PPP6R3: variants seen among roughly 807,000 people sequenced by gnomAD.
PPP6R3 encodes protein phosphatase 6 regulatory subunit 3, also known as serine/threonine-protein phosphatase 6 regulatory subunit 3.
PPP6R3 carries 38 observed loss-of-function variants against 110.7 expected under a neutral mutation model. The observed-to-expected ratio is 0.34, with a 90% CI of 0.26 to 0.45. The LOEUF (loss-of-function observed/expected upper bound fraction) is 0.45, where lower values mean the gene tolerates loss of function less well. Ranked by LOEUF, PPP6R3 falls within the 20% of genes least tolerant of loss-of-function variation. The pLI, the probability that PPP6R3 is intolerant of heterozygous loss-of-function variation, is 1.00. For synonymous variants in PPP6R3, 369 were observed against 373.5 expected, an observed-to-expected ratio of 0.99 and a Z score of 0.14; for missense variants, 870 against 1,062.4, an observed-to-expected ratio of 0.82 and a Z score of 2.52.
intron 7 of PPP6R3, 76 bp from the exon 8 acceptor site, chr11:68,558,490 G>A: frequency 1.1e-6 from 1 of 883,928 alleles, no homozygotes; most frequent in South Asian, 1.5e-5. Context: ...TGCTTGTCTT[G>A]TACCGTCGTC....
intron 23 of PPP6R3, among the ~76,000 whole-genome samples, chr11:68,612,101 A>C (rs1943743180): frequency 6.6e-6 from 1 of 152,234 alleles, no homozygotes; most frequent in Admixed American, 6.5e-5. Context: ...AGAAAACAGA[A>C]CTGAGAGGGG....
chr11:68,610,039 C>T lies in PPP6R3; in HGVS notation c.2570+16C>T, dbSNP rs752972168. 1 of 1,612,258 alleles carries T rather than the reference C, an allele frequency of 6.2e-7. No individual in the cohort carries two copies. The highest frequency in any genetic ancestry group is 1.7e-5 in the Admixed American group (1 of 59,958). ...CCGAGCAGAGGTAACCACCCGCCTC[C>T]TCAAACCCACCCAGGCCCTGCCCTG... On this transcript the variant is annotated intron_variant, in intron 23 of 23. Transcript: ENST00000393800.
At chr11:68,565,038 G>A (rs1249377977) in intron 9 of PPP6R3, among the ~76,000 whole-genome samples, 1 of 151,938 alleles carries the variant, frequency 6.6e-6, no homozygotes, top group Non-Finnish European at 1.5e-5. Flanking sequence ...GGAGTCTAGG[G>A]TGGAAGATTC....
intron 23 of PPP6R3, among the ~76,000 whole-genome samples, chr11:68,611,234 A>G (rs1435536636): frequency 6.6e-6 from 1 of 152,002 alleles, no homozygotes. Context: ...CAATTATTTC[A>G]GCTCTCTGAT....
chr11:68,573,477 T>C (rs1286106705), intron 12 of PPP6R3, among the ~76,000 whole-genome samples: 1 of 152,004 alleles, frequency 6.6e-6, no homozygotes, highest in Non-Finnish European at 1.5e-5. Context: ...TAAAGATTGA[T>C]CATGGTTGGG....
chr11:68,468,621 G>A (rs781290240), intron 1 of PPP6R3, among the ~76,000 whole-genome samples: 3 of 152,230 alleles, frequency 2.0e-5, no homozygotes, highest in Non-Finnish European at 2.9e-5. Flanking sequence ...GAGAGGCCTC[G>A]AGGTCTAACC....
At chr11:68,530,606 G>T (rs1434597294) in intron 2 of PPP6R3, among the ~76,000 whole-genome samples, 1 of 152,176 alleles carries the variant, frequency 6.6e-6, no homozygotes, top group Non-Finnish European at 1.5e-5. Context: ...TTCCAATGGG[G>T]CCAGTTATTA....
intron 1 of PPP6R3, among the ~76,000 whole-genome samples, chr11:68,485,561 T>A (rs998423974): frequency 3.9e-5 from 6 of 152,214 alleles, no homozygotes; most frequent in Non-Finnish European, 8.8e-5. Flanking sequence ...TTCTTACTGT[T>A]CCTAGTTTTC....
At chr11:68,610,065 A>C (rs1942616187) in intron 23 of PPP6R3, 42 bp downstream of exon 23, 20 of 1,603,152 alleles carry the variant, frequency 1.2e-5, no homozygotes, top group Non-Finnish European at 1.6e-5. Flanking sequence ...CCCTGCCCTG[A>C]CCTTGCCTGT....
rs377044864 is a variant in PPP6R3 at position 68,548,094 on chromosome 11, G to A, written c.442G>A (p.Asp148Asn). 68 of 1,613,654 alleles carry A rather than the reference G, an allele frequency of 4.2e-5. No homozygotes were observed. Among genetic ancestry groups the A allele is most frequent in the Non-Finnish European group, 5.7e-5 (67 of 1,179,696 alleles). ...TGTGGATTTCTTAAAGAAGAAGCAT[G>A]ATTTTGTAGACCTTATTATAAAGCA... is the stretch of plus-strand genomic sequence containing the variant. ...QIVDFLKKKHDFVDLIIKHIG... is the reference protein window; with the variant it reads ...QIVDFLKKKHNFVDLIIKHIG... Residue 148 changes from aspartate to asparagine, a missense_variant, in exon 5 of 24, where the codon GAT becomes AAT. Physicochemically the swap from Asp to Asn is conservative, Grantham distance 23. Coordinates refer to ENST00000393800, the MANE Select transcript of PPP6R3 (RefSeq NM_001164161.2).
rs1594036686 is a variant in PPP6R3 at position 68,603,402 on chromosome 11, A to G, written c.2360A>G (p.Asp787Gly). 3.7e-6 allele frequency: 6 copies of G among 1,614,116 alleles called. No homozygotes were observed. In the East Asian group the frequency reaches 1.1e-4, roughly 30 times the overall value. The change falls in exon 22 of 24, where the codon GAC (aspartate) becomes GGC (glycine). Residue 787 changes from aspartate to glycine, a missense_variant. Coordinates refer to ENST00000393800, the MANE Select transcript of PPP6R3 (RefSeq NM_001164161.2). ...GGAGAGGAGGATGCAGAAAGTACAG[A>G]CAAGGTAACTGAGACAGTGATGAAT... ...SDGEEDAEST[D>G]KVTETVMNGG...
chr11:68,530,413 T>G (rs940288692), intron 2 of PPP6R3, among the ~76,000 whole-genome samples: 1 of 152,202 alleles, frequency 6.6e-6, no homozygotes, highest in African/African-American at 2.4e-5. Context: ...AATAACACAT[T>G]TTGTTGTCTT....
At chr11:68,542,097 C>CA (rs1383048125) in intron 3 of PPP6R3, among the ~76,000 whole-genome samples, 10 of 150,266 alleles carry the variant, frequency 6.7e-5, no homozygotes, top group African/African-American at 2.5e-4. Context: ...ACAGAGGAAA[C>CA]ACAGCCAGTG....
intron 6 of PPP6R3, among the ~76,000 whole-genome samples, chr11:68,553,915 C>T (rs887476135): frequency 2.6e-5 from 4 of 152,104 alleles, no homozygotes; most frequent in African/African-American, 4.8e-5. Context: ...AGAACCTTGA[C>T]GACATCTCCC....
In PPP6R3 at chr11:68,548,852, C is replaced by T. The variant is rs75464816; in HGVS notation, c.552+648C>T. The stretch of plus-strand genomic sequence containing the variant: ...TTGAAAATAAGGTTTCTCCCAGGCT[C>T]CCATCTCTGCCTTCTCTTCTTGTCT... On this transcript the variant is annotated intron_variant, in intron 5 of 23. Transcript: ENST00000393800. Among the ~76,000 whole-genome samples the T allele has an allele frequency of 4.9e-4, 75 of 152,184 alleles. 1 individual carries two copies. The East Asian group carries it at 0.014, about 27-fold the overall frequency.
At chr11:68,557,607 C>T (rs1565828700) in intron 7 of PPP6R3, among the ~76,000 whole-genome samples, 1 of 152,148 alleles carries the variant, frequency 6.6e-6, no homozygotes, top group Non-Finnish European at 1.5e-5. Context: ...CAACCTCTGC[C>T]TGCTGGGTTC....
At chr11:68,479,425 T>G (rs2098882727) in intron 1 of PPP6R3, among the ~76,000 whole-genome samples, 1 of 152,226 alleles carries the variant, frequency 6.6e-6, no homozygotes, top group Non-Finnish European at 1.5e-5. Context: ...TTTCTGATTT[T>G]GGATTGTTTG....
chr11:68,487,895 T>G (rs907328332), intron 1 of PPP6R3, among the ~76,000 whole-genome samples: 8 of 152,208 alleles, frequency 5.3e-5, no homozygotes, highest in African/African-American at 1.9e-4. Context: ...ATGGTGCTAT[T>G]GAGTTCCATC....
At chr11:68,588,755 CT>C (rs200493480) in intron 16 of PPP6R3, among the ~76,000 whole-genome samples, 2 of 132,866 alleles carry the variant, frequency 1.5e-5, no homozygotes, top group Non-Finnish European at 1.6e-5. Context: ...AAGACTCGGT[CT>C]TTAAAAAAAA....
Sources: allele counts gnomAD v4.1 joint callset (sites outside exome capture counted in the v4.1 genomes callset), GRCh38; gene constraint gnomAD v4.1.1; transcripts MANE v1.5; gene names NCBI Gene and HGNC (gene_info 2026-07-23, HGNC 2026-07-21).